PABPC4L: variants seen among roughly 807,000 people sequenced by gnomAD.
PABPC4L encodes the protein polyadenylate-binding protein 4-like.
For missense variants in PABPC4L, 452 were observed against 451.4 expected, an observed-to-expected ratio of 1.00 and a Z score of -0.01; for synonymous variants, 169 against 164.1, an observed-to-expected ratio of 1.03 and a Z score of -0.23.
the PABPC4L span, among the ~76,000 whole-genome samples, chr4:133,992,326 A>T: frequency 6.6e-6 from 1 of 152,192 alleles, no homozygotes; most frequent in African/African-American, 2.4e-5. Context: ...CTTTTGCACA[A>T]GAAGGAATGT....
intron 1 of PABPC4L, 52 bp downstream of exon 1, chr4:134,201,666 C>A (rs985994170): frequency 2.0e-5 from 3 of 152,898 alleles, no homozygotes; most frequent in African/African-American, 7.2e-5. Flanking sequence ...GACAGACCGA[C>A]GGACTGACGG....
chr4:134,093,224 G>A, the PABPC4L span, among the ~76,000 whole-genome samples: 1 of 144,554 alleles, frequency 6.9e-6, no homozygotes, highest in Non-Finnish European at 1.5e-5. Flanking sequence ...TTCCTTCTTT[G>A]TGCTTTCTTT....
chr4:134,181,713 C>T, the PABPC4L span, among the ~76,000 whole-genome samples: 5 of 151,914 alleles, frequency 3.3e-5, no homozygotes, highest in Admixed American at 2.6e-4. Flanking sequence ...CAGTAGCATT[C>T]ATATACAACA....
At chr4:134,097,225 T>G in the PABPC4L span, among the ~76,000 whole-genome samples, 1 of 151,908 alleles carries the variant, frequency 6.6e-6, no homozygotes, top group Non-Finnish European at 1.5e-5. Flanking sequence ...AATTTAAAAT[T>G]AGAATCTTAG....
chr4:133,998,119 A>G, the PABPC4L span, among the ~76,000 whole-genome samples: 6 of 151,796 alleles, frequency 4.0e-5, no homozygotes, highest in African/African-American at 1.4e-4. Context: ...TATTTAATCT[A>G]TAATTTTTAT....
the PABPC4L span, among the ~76,000 whole-genome samples, chr4:134,114,641 A>G: frequency 6.6e-6 from 1 of 151,602 alleles, no homozygotes. Flanking sequence ...TAAAAGTCTC[A>G]CTTCTCTTGT....
At chr4:134,025,046 C>T in the PABPC4L span, among the ~76,000 whole-genome samples, 2 of 149,448 alleles carry the variant, frequency 1.3e-5, no homozygotes, top group Admixed American at 6.7e-5. Context: ...TGCTGGATTA[C>T]AGGGCCAGGC....
At chr4:133,970,671 C>T in the PABPC4L span, among the ~76,000 whole-genome samples, 36 of 152,206 alleles carry the variant, frequency 2.4e-4, 1 homozygote, top group South Asian at 6.6e-3. Flanking sequence ...AAAATTCATA[C>T]GTTGAAATTC....
the PABPC4L span, among the ~76,000 whole-genome samples, chr4:134,104,080 C>T: frequency 1.1e-4 from 17 of 151,622 alleles, no homozygotes; most frequent in African/African-American, 3.9e-4. Flanking sequence ...AAAGTTTTTG[C>T]TAATATTTAA....
At chr4:134,123,732 G>T in the PABPC4L span, among the ~76,000 whole-genome samples, 1 of 151,766 alleles carries the variant, frequency 6.6e-6, no homozygotes, top group Non-Finnish European at 1.5e-5. Context: ...AAATCATTAT[G>T]ATAATTTTAA....
chr4:134,138,327 G>A, the PABPC4L span, among the ~76,000 whole-genome samples: 1 of 151,696 alleles, frequency 6.6e-6, no homozygotes, highest in Non-Finnish European at 1.5e-5. Flanking sequence ...AAAATGAAAG[G>A]AAATTATCCC....
the PABPC4L span, among the ~76,000 whole-genome samples, chr4:134,175,464 T>C: frequency 1.3e-5 from 2 of 152,208 alleles, no homozygotes; most frequent in East Asian, 1.9e-4. Flanking sequence ...AATTAATTAA[T>C]TTGAGACAGG....
At chr4:133,999,175 T>C in the PABPC4L span, among the ~76,000 whole-genome samples, 1 of 152,124 alleles carries the variant, frequency 6.6e-6, no homozygotes, top group Admixed American at 6.5e-5. Flanking sequence ...GTTTCCCTGT[T>C]TCTTTGGGTC....
At chr4:134,053,636 C>T in the PABPC4L span, among the ~76,000 whole-genome samples, 2 of 152,066 alleles carry the variant, frequency 1.3e-5, no homozygotes, top group Non-Finnish European at 2.9e-5. Context: ...ATCCCACATG[C>T]CACCACCCTT....
chr4:133,987,588 C>G, the PABPC4L span, among the ~76,000 whole-genome samples: 1 of 152,072 alleles, frequency 6.6e-6, no homozygotes, highest in African/African-American at 2.4e-5. Flanking sequence ...TAATCACCAA[C>G]AAGCCTATAC....
the PABPC4L span, among the ~76,000 whole-genome samples, chr4:133,978,571 G>C: frequency 6.6e-6 from 1 of 152,088 alleles, no homozygotes; most frequent in Admixed American, 6.6e-5. Flanking sequence ...GTGTGTGTGT[G>C]TGTGTTGTGT....
the PABPC4L span, among the ~76,000 whole-genome samples, chr4:134,002,827 A>G: frequency 6.6e-6 from 1 of 151,980 alleles, no homozygotes; most frequent in East Asian, 1.9e-4. Context: ...AAATGAGTAC[A>G]TGGGTTTTCT....
the PABPC4L span, among the ~76,000 whole-genome samples, chr4:134,046,945 T>C: frequency 2.6e-5 from 4 of 152,172 alleles, no homozygotes; most frequent in Non-Finnish European, 5.9e-5. Context: ...CTTTTCTACA[T>C]AGACACAGTA....
the PABPC4L span, among the ~76,000 whole-genome samples, chr4:134,011,391 A>G: frequency 3.3e-5 from 5 of 152,150 alleles, no homozygotes; most frequent in Non-Finnish European, 7.4e-5. Context: ...GAATGCTGAA[A>G]AAAAATTCCA....
Sources: allele counts gnomAD v4.1 joint callset (sites outside exome capture counted in the v4.1 genomes callset), GRCh38; gene constraint gnomAD v4.1.1; transcripts MANE v1.5; gene names NCBI Gene and HGNC (gene_info 2026-07-23, HGNC 2026-07-21).